EPB41L5: variants seen among roughly 807,000 people sequenced by gnomAD.
The protein encoded by EPB41L5 is erythrocyte membrane protein band 4.1 like 5.
A neutral mutation model predicts 106.6 loss-of-function variants in EPB41L5; 55 were observed. The ratio of observed to expected loss-of-function variants is 0.52; its 90% CI spans 0.42 to 0.65. EPB41L5 has a LOEUF of 0.65. Among genes scored for constraint, EPB41L5 ranks in the 30% least tolerant of loss-of-function variants. The pLI is 0.00. For missense variants in EPB41L5, 871 were observed against 882.1 expected, an observed-to-expected ratio of 0.99 and a Z score of 0.16; for synonymous variants, 297 against 306.7, an observed-to-expected ratio of 0.97 and a Z score of 0.33.
intron 18 of EPB41L5, among the ~76,000 whole-genome samples, chr2:120,135,098 CAA>C (rs1486554021): frequency 6.6e-6 from 1 of 151,968 alleles, no homozygotes; most frequent in Admixed American, 6.6e-5. Context: ...ATAAATTTAA[CAA>C]AGAGATTGAA....
At chr2:120,131,562 C>A in intron 17 of EPB41L5, 56 bp from the exon 18 acceptor site, 1 of 1,237,028 alleles carries the variant, frequency 8.1e-7, no homozygotes, top group Non-Finnish European at 1.2e-6. Context: ...CCTCACACAG[C>A]TAGCTGTGAC....
At chr2:120,150,634 G>C (rs894038058) in intron 20 of EPB41L5, among the ~76,000 whole-genome samples, 8 of 151,538 alleles carry the variant, frequency 5.3e-5, no homozygotes, top group Non-Finnish European at 1.2e-4. Flanking sequence ...GACCTACTGT[G>C]CCTGCCCACC....
intron 10 of EPB41L5, 66 bp from the exon 11 acceptor site, chr2:120,087,105 C>T: frequency 9.8e-7 from 1 of 1,021,684 alleles, no homozygotes; most frequent in South Asian, 1.5e-5. Flanking sequence ...GAAATAAAAA[C>T]AATTTTTTTC....
intron 16 of EPB41L5, chr2:120,106,691 G>A (rs1396132716): frequency 8.1e-6 from 8 of 985,192 alleles, no homozygotes; most frequent in Non-Finnish European, 9.6e-6. Context: ...CATTTTGACT[G>A]TTTTTACAGT....
intron 18 of EPB41L5, among the ~76,000 whole-genome samples, chr2:120,138,987 T>C (rs1367750529): frequency 4.6e-5 from 7 of 151,906 alleles, no homozygotes; most frequent in East Asian, 3.9e-4. Flanking sequence ...AACAGACACA[T>C]AGACCAATGT....
intron 16 of EPB41L5, among the ~76,000 whole-genome samples, chr2:120,123,150 G>GTT (rs199614887): frequency 1.3e-5 from 2 of 148,918 alleles, no homozygotes; most frequent in African/African-American, 5.0e-5. Context: ...ACAAAGTTTT[G>GTT]TTTTTTTTTC....
intron 1 of EPB41L5, among the ~76,000 whole-genome samples, chr2:120,017,819 A>G (rs1677625988): frequency 6.6e-6 from 1 of 152,164 alleles, no homozygotes; most frequent in Non-Finnish European, 1.5e-5. Flanking sequence ...TTTTTTTGAG[A>G]CAGAATCTCC....
Position 120,166,215 on chromosome 2 carries a change from GGTCTGAAAAGTT to G in EPB41L5, c.1963-1248_1963-1237del, listed in dbSNP as rs933796840. On this transcript the variant is annotated intron_variant, in intron 22 of 24. Coordinates refer to ENST00000263713, the MANE Select transcript of EPB41L5 (RefSeq NM_020909.4). ...TCTAATTTTGGTATATCTTGGGTGG[GGTCTGAAAAGTT>G]GTGTTTCTAACATGTTCCCAGGTGG... Among the ~76,000 whole-genome samples the G allele has an allele frequency of 3.6e-4, 54 of 151,952 alleles. 1 individual carries two copies. Among genetic ancestry groups the G allele is most frequent in the Non-Finnish European group, 4.4e-5 (3 of 68,004 alleles).
chr2:120,106,521 T>G, intron 16 of EPB41L5: 1 of 985,402 alleles, frequency 1.0e-6, no homozygotes, highest in South Asian at 4.7e-5. Context: ...AATTCGGAAT[T>G]AGAGAAGTAA....
chr2:120,019,201 T>A lies in EPB41L5; in HGVS notation c.117T>A (p.Ser39=), dbSNP rs745809971. The change falls in exon 2 of 25, where the codon TCT becomes TCA. Residue 39 remains serine (S), a synonymous_variant. Transcript: ENST00000263713. Reference sequence around the variant, plus strand: ...CACATATTCCTGCAGCTGGAGATTCTAAGTCCATCATCACGTGTCGGGTGT... The same window carrying A: ...CACATATTCCTGCAGCTGGAGATTCAAAGTCCATCATCACGTGTCGGGTGT... The part of the protein sequence containing the change: ...AATHIPAAGD[S]KSIITCRVSL... 1.2e-6 allele frequency: 2 copies of A among 1,614,122 alleles called. No individual in the cohort carries two copies. The highest frequency in any genetic ancestry group is 8.5e-7 in the Non-Finnish European group (1 of 1,180,012).
At chr2:120,148,955 G>A (rs1477033862) in intron 20 of EPB41L5, among the ~76,000 whole-genome samples, 2 of 86,014 alleles carry the variant, frequency 2.3e-5, no homozygotes. Context: ...CTTCCAAAAT[G>A]GCCGTAACAT....
chr2:120,050,372 T>G (rs1680148424), intron 3 of EPB41L5, among the ~76,000 whole-genome samples: 1 of 152,164 alleles, frequency 6.6e-6, no homozygotes, highest in African/African-American at 2.4e-5. Context: ...TCTTTTTATC[T>G]TTTTTCTCTA....
At chr2:120,041,864 C>A (rs933157718) in intron 2 of EPB41L5, 142 bp from the exon 3 acceptor site, 6 of 508,768 alleles carry the variant, frequency 1.2e-5, no homozygotes, top group Non-Finnish European at 1.7e-5. Context: ...ATGTCTTATG[C>A]ATTATCTGCC....
At chr2:120,036,085 A>G (rs1171475082) in intron 2 of EPB41L5, among the ~76,000 whole-genome samples, 7 of 152,198 alleles carry the variant, frequency 4.6e-5, no homozygotes, top group African/African-American at 7.2e-5. Flanking sequence ...TGTGATAGCA[A>G]TAACTCAGAC....
At chr2:120,033,002 T>C (rs181752843) in intron 2 of EPB41L5, among the ~76,000 whole-genome samples, 10 of 152,344 alleles carry the variant, frequency 6.6e-5, no homozygotes, top group Admixed American at 5.9e-4. Context: ...CCGTATGTAT[T>C]GTTAAGTGCG....
intron 17 of EPB41L5, among the ~76,000 whole-genome samples, chr2:120,129,962 A>G (rs1435750998): frequency 6.6e-6 from 1 of 152,192 alleles, no homozygotes; most frequent in Non-Finnish European, 1.5e-5. Flanking sequence ...CCTGGCCAAC[A>G]TGGCAAAACC....
At chr2:120,106,827 A>G in intron 16 of EPB41L5, 1 of 985,382 alleles carries the variant, frequency 1.0e-6, no homozygotes, top group Non-Finnish European at 1.2e-6. Context: ...ATCTTGGAGT[A>G]AGATCTAACA....
intron 10 of EPB41L5, among the ~76,000 whole-genome samples, chr2:120,084,959 C>T (rs1682953570): frequency 6.6e-6 from 1 of 152,152 alleles, no homozygotes; most frequent in African/African-American, 2.4e-5. Flanking sequence ...GTTCTCATGC[C>T]ATGGTTTTCA....
intron 2 of EPB41L5, among the ~76,000 whole-genome samples, chr2:120,037,355 A>T (rs1679104269): frequency 1.3e-5 from 2 of 152,232 alleles, no homozygotes; most frequent in South Asian, 4.1e-4. Flanking sequence ...CATAGATTAA[A>T]TGCAATTCCT....
Sources: gnomAD v4.1 joint callset for allele counts (sites outside exome capture counted in the v4.1 genomes callset) on GRCh38, gnomAD v4.1.1 for gene constraint, MANE v1.5 for transcripts, NCBI Gene and HGNC (gene_info 2026-07-23, HGNC 2026-07-21) for gene names.